PLXNA3: variants seen among roughly 807,000 people sequenced by gnomAD.
The protein encoded by PLXNA3 is plexin A3.
In PLXNA3, 52 loss-of-function variants were observed where a neutral mutation model predicts 118.8. That is an observed-to-expected ratio of 0.44 (90% CI 0.35 to 0.55). PLXNA3 has a LOEUF of 0.55. Among genes scored for constraint, PLXNA3 ranks in the 20% least tolerant of loss-of-function variants. The pLI is 0.01. For synonymous variants in PLXNA3, 925 were observed against 762.4 expected, an observed-to-expected ratio of 1.21 and a Z score of -3.51; for missense variants, 1,660 against 1,730.8, an observed-to-expected ratio of 0.96 and a Z score of 0.73.
intron 6 of PLXNA3, 48 bp from the exon 7 acceptor site, chrX:154,463,903 G>A: frequency 8.6e-7 from 1 of 1,158,236 alleles, no homozygotes. Flanking sequence ...ACAGGCCTGG[G>A]CCCTCCCGGG....
In PLXNA3 at chrX:154,463,491, G is replaced by A. The variant is rs138547861; in HGVS notation, c.1418G>A (p.Arg473Gln). ...LRDLLFSPDH[R>Q]HIYLLSEKQV... The stretch of plus-strand genomic sequence containing the variant: ...GACCTGCTCTTCAGCCCGGACCACC[G>A]GCACATCTATCTCCTGAGTGAGAAG... Residue 473 changes from arginine (R) to glutamine (Q), a missense_variant, in exon 5 of 33, where the codon CGG becomes CAG. Physicochemically the swap from Arg to Gln is conservative, Grantham distance 43. Around this residue, in one of 2 missense-constraint regions of PLXNA3, gnomAD observed 791 missense variants for 652.1 expected, o/e 1.21. Transcript: ENST00000369682. The A allele has an allele frequency of 3.0e-5, 36 of 1,204,425 alleles. No homozygotes were observed. The highest frequency in any genetic ancestry group is 3.0e-4 in the East Asian group (10 of 33,649).
chrX:154,464,139 GC>G lies in PLXNA3; in HGVS notation c.1672-15del. ...GTGCTGGGAGTCCGCCCTGCCCTGA[GC>G]CCTCTGCTTCCCCCAGCTGACCGTC... On this transcript the variant is annotated splice_polypyrimidine_tract_variant and intron_variant, in intron 7 of 32. Transcript: ENST00000369682. 8.3e-7 allele frequency: 1 copy of G among 1,207,972 alleles called. No homozygotes were observed. The highest frequency in any genetic ancestry group is 1.1e-6 in the Non-Finnish European group (1 of 893,279).
intron 29 of PLXNA3, 34 bp from the exon 30 acceptor site, chrX:154,470,408 C>T: frequency 8.4e-7 from 1 of 1,185,813 alleles, no homozygotes; most frequent in Non-Finnish European, 1.1e-6. Context: ...CAACCTGGCT[C>T]CCTCATAGCC....
In PLXNA3 at chrX:154,463,713, G is replaced by A. The variant is rs376846373; in HGVS notation, c.1547+23G>A. On this transcript the variant is annotated intron_variant, in intron 6 of 32. Coordinates refer to ENST00000369682, the MANE Select transcript of PLXNA3 (RefSeq NM_017514.5). ...CAGGTGAGGGCGGGGACCCCTGCTC[G>A]GGGAGTTGGAGGGCCCCACTGGCCA... 39 of 1,142,148 alleles carry A rather than the reference G, an allele frequency of 3.4e-5. No individual in the cohort carries two copies. In the South Asian group the frequency reaches 4.5e-4, roughly 13 times the overall value. 94.1% of individuals were successfully genotyped at this position (1,142,148 alleles called of 1,213,427 possible).
At position 154,463,973 on chromosome X, in the gene PLXNA3, C is replaced by G. The variant is rs782581796; in HGVS notation, c.1570C>G (p.Leu524Val). 1 of 1,186,649 alleles carries G rather than the reference C, an allele frequency of 8.4e-7. No individual in the cohort carries two copies. Among genetic ancestry groups the G allele is most frequent in the Non-Finnish European group, 1.1e-6 (1 of 883,816 alleles). ...RHRCCREGACLGASAPHGFAE... is the reference protein window; with the variant it reads ...RHRCCREGACVGASAPHGFAE... ...CAGGTGCTGCCGCGAAGGGGCCTGT[C>G]TGGGCGCCTCTGCCCCACACGGCTT... The change falls in exon 7 of 33, where the codon CTG becomes GTG. Residue 524 changes from leucine to valine, a missense_variant. Around this residue, in one of 2 missense-constraint regions of PLXNA3, gnomAD observed 791 missense variants for 652.1 expected, o/e 1.21. Coordinates refer to ENST00000369682, the MANE Select transcript of PLXNA3 (RefSeq NM_017514.5).
rs370868352 is a variant in PLXNA3, at chrX:154,464,231, C to T, written c.1746C>T (p.Asn582=). 8 of 1,207,048 alleles carry T rather than the reference C, an allele frequency of 6.6e-6. No homozygotes were observed. Among genetic ancestry groups the T allele is most frequent in the African/African-American group, 3.5e-5 (2 of 57,549 alleles). The change falls in exon 8 of 33, where the codon AAC becomes AAT. Residue 582 remains asparagine, a synonymous_variant. Transcript: ENST00000369682. ...VSCAFEAAAE[N]EAVLLPSGEL... is the part of the protein sequence containing the mutation. ...GCGCCTTCGAGGCGGCGGCGGAGAA[C>T]GAGGCGGTCCTGCTGCCCTCCGGTG...
rs201524188 is a variant in PLXNA3 at position 154,464,366 on chromosome X, C to A, written c.1829-36C>A. ...GGGCAGAGTGGGGCCTCTCCCTACC[C>A]CCAGCGAGTTCACGGCCACCCCGGG... On this transcript the variant is annotated intron_variant, in intron 8 of 32. Coordinates refer to ENST00000369682, the MANE Select transcript of PLXNA3 (RefSeq NM_017514.5). 10,318 of 1,201,569 alleles carry A rather than the reference C, an allele frequency of 8.6e-3. 28 individuals carry two copies. Among genetic ancestry groups the A allele is most frequent in the Non-Finnish European group, 0.011 (9,639 of 889,857 alleles).
intron 1 of PLXNA3, among the ~76,000 whole-genome samples, chrX:154,459,777 A>G (rs1557202932): frequency 1.8e-5 from 2 of 112,352 alleles, no homozygotes; most frequent in African/African-American, 3.2e-5. Context: ...GCTTGCGATT[A>G]TTCTGTGCCT....
In PLXNA3 at chrX:154,465,113, G is replaced by A. The variant is rs1401283051; in HGVS notation, c.2139G>A (p.Gln713=). ...TLRAKNLPQP[Q]SGQKNYECVV... ...GGGCTAAGAACCTACCTCAGCCGCA[G>A]TCGGGCCAGAAGAACTATGAGTGCG... The change falls in exon 11 of 33, where the codon CAG becomes CAA. Residue 713 remains glutamine (Q), a synonymous_variant. Transcript: ENST00000369682. 7 of 1,209,470 alleles carry A rather than the reference G, an allele frequency of 5.8e-6. No individual in the cohort carries two copies. In the African/African-American group the frequency reaches 1.2e-4, roughly 21 times the overall value.
In PLXNA3 at chrX:154,468,513, G is replaced by A. The variant is rs2069131893; in HGVS notation, c.4174G>A (p.Glu1392Lys). The A allele has an allele frequency of 5.0e-6, 6 of 1,209,432 alleles. No individual in the cohort carries two copies. Among genetic ancestry groups the A allele is most frequent in the East Asian group, 3.0e-5 (1 of 33,749 alleles). The change falls in exon 23 of 33, where the codon GAG becomes AAG. Residue 1392 changes from glutamate (E) to lysine (K), a missense_variant. Physicochemically the swap from Glu to Lys is moderately conservative, Grantham distance 56 (BLOSUM62 1). Transcript: ENST00000369682. Reference protein sequence around the residue: ...LLKQLLADLIEKNLESKNHPK... With the variant: ...LLKQLLADLIKKNLESKNHPK... ...CAAGCAACTGCTGGCCGACCTCATC[G>A]AGAAGAACCTCGAGAGCAAGAACCA...
chrX:154,463,184 C>T (rs781985657), intron 4 of PLXNA3, among the ~76,000 whole-genome samples: 1 of 111,166 alleles, frequency 9.0e-6, no homozygotes, highest in East Asian at 2.8e-4. Flanking sequence ...CCTTGGGCAA[C>T]ACGAATCACT....
chrX:154,461,524 C>T lies in PLXNA3; in HGVS notation c.1020C>T (p.Phe340=), dbSNP rs781938991. Residue 340 remains phenylalanine, a synonymous_variant, in exon 3 of 33, where the codon TTC becomes TTT. Coordinates refer to ENST00000369682, the MANE Select transcript of PLXNA3 (RefSeq NM_017514.5). ...SPPRQTILCL[F]TLSNINAHIR... is the part of the protein sequence containing the mutation. ...CCCGGCAGACCATCCTCTGCCTCTT[C>T]ACCCTCAGCAACATCAATGCCCACA... is the stretch of plus-strand genomic sequence containing the variant. 46 of 1,210,369 alleles carry T rather than the reference C, an allele frequency of 3.8e-5. No homozygotes were observed. In the African/African-American group the frequency reaches 6.4e-4, roughly 17 times the overall value.
In PLXNA3 at chrX:154,466,248, C is replaced by T. The variant is rs1557207051; in HGVS notation, c.2777C>T (p.Ser926Leu). Residue 926 changes from serine to leucine, a missense_variant, in exon 15 of 33, where the codon TCG (serine) becomes TTG (leucine). Physicochemically the swap from Ser to Leu is moderately radical, Grantham distance 145. Coordinates refer to ENST00000369682, the MANE Select transcript of PLXNA3 (RefSeq NM_017514.5). ...TGTTCAGCCGACTTCCGCACGCAGT[C>T]GGAGCAGGTCTACAGCTTTGTGGTG... is the stretch of plus-strand genomic sequence containing the variant. The part of the protein sequence containing the change: ...GDCSADFRTQ[S>L]EQVYSFVTPT... 2 of 1,208,954 alleles carry T rather than the reference C, an allele frequency of 1.7e-6. No individual in the cohort carries two copies. The highest frequency in any genetic ancestry group is 1.7e-5 in the African/African-American group (1 of 57,812).
Position 154,477,703 on chromosome X carries a change from C to T in PLXNA3, c.*5018C>T, listed in dbSNP as rs962134675. 2.0e-5 allele frequency: 6 copies of T among 305,246 alleles called. No homozygotes were observed. The highest frequency in any genetic ancestry group is 9.5e-5 in the South Asian group (1 of 10,495). The allele number at this position is 305,246 out of a possible 1,213,427, so 25.2% of individuals were successfully genotyped here. ...CCTTGAATATCTGAATTCTAGAACC[C>T]CCCCCCCAGCAACCCAAGCACAACA... On this transcript the variant is annotated 3_prime_UTR_variant, in exon 33 of 33. Coordinates refer to ENST00000369682, the MANE Select transcript of PLXNA3 (RefSeq NM_017514.5).
Position 154,473,156 on chromosome X carries a change from C to T in PLXNA3, c.*471C>T, listed in dbSNP as rs1416583628. 8.8e-6 allele frequency: 1 copy of T among 114,096 alleles called. No homozygotes were observed. The highest frequency in any genetic ancestry group is 3.2e-5 in the African/African-American group (1 of 31,019). 9.4% of individuals were successfully genotyped at this position (114,096 alleles called of 1,213,427 possible). A position where few individuals can be genotyped will look rare whatever the true frequency, so the allele number is the denominator to read the frequency against. On this transcript the variant is annotated 3_prime_UTR_variant, in exon 33 of 33. Transcript: ENST00000369682. ...AGCCTCGGTCTGGCCTCTGGCACCT[C>T]ACCCTTGCCATGGCTGACCCCACCC... is the stretch of plus-strand genomic sequence containing the variant.
In PLXNA3 at chrX:154,461,149, G is replaced by A. The variant is rs199541567; in HGVS notation, c.645G>A (p.Thr215=). 53 of 1,208,008 alleles carry A rather than the reference G, an allele frequency of 4.4e-5. No individual in the cohort carries two copies. Among genetic ancestry groups the A allele is most frequent in the Non-Finnish European group, 5.4e-5 (48 of 892,578 alleles). The change falls in exon 3 of 33, where the codon ACG becomes ACA. Residue 215 remains threonine (T), a synonymous_variant. Transcript: ENST00000369682. ...VSSQIKIPSD[T]LSLYPAFDIY... ...CCCAGATCAAGATCCCCTCAGACAC[G>A]CTGTCCTTGTACCCTGCCTTTGACA...
At position 154,461,294 on chromosome X, in the gene PLXNA3, CGCATGTG is replaced by C; in HGVS notation, c.791_797del (p.Arg264ProfsTer104). 1.6e-6 allele frequency: 2 copies of C among 1,212,134 alleles called. No individual in the cohort carries two copies. Among genetic ancestry groups the C allele is most frequent in the Non-Finnish European group, 2.2e-6 (2 of 895,350 alleles). On this transcript the variant is annotated frameshift_variant, in exon 3 of 33. Coordinates refer to ENST00000369682, the MANE Select transcript of PLXNA3 (RefSeq NM_017514.5). LOFTEE classifies it high-confidence loss of function. ...GAAATTTTTCACGTCCAAGATCGTGCGCATGTGCGCGGGAGACTCAGAGTTCTACTCA... is the reference window on the plus strand; with the variant it reads ...GAAATTTTTCACGTCCAAGATCGTGCCGCGGGAGACTCAGAGTTCTACTCA...
rs782808584 is a variant in PLXNA3 at position 154,468,479 on chromosome X, G to A, written c.4140G>A (p.Thr1380=). ...TGCAGAGCCGGCTCGACTATGCCAC[G>A]GGGCTGCTCAAGCAACTGCTGGCCG... ...VALQSRLDYA[T]GLLKQLLADL... Residue 1380 remains threonine, a synonymous_variant, in exon 23 of 33, where the codon ACG becomes ACA. Coordinates refer to ENST00000369682, the MANE Select transcript of PLXNA3 (RefSeq NM_017514.5). The A allele has an allele frequency of 6.6e-6, 8 of 1,211,153 alleles. No individual in the cohort carries two copies. Among genetic ancestry groups the A allele is most frequent in the South Asian group, 1.8e-5 (1 of 57,022 alleles).
chrX:154,469,126 G>T lies in PLXNA3; in HGVS notation c.4505G>T (p.Ser1502Ile). Reference sequence around the variant, plus strand: ...CCAGTGAAGGTTCTCAACTGTGACAGCATCACCCAGGCCAAAGATAAGCTG... The same window carrying T: ...CCAGTGAAGGTTCTCAACTGTGACATCATCACCCAGGCCAAAGATAAGCTG... ...QVPVKVLNCD[S>I]ITQAKDKLLD... Residue 1502 changes from serine (S) to isoleucine (I), a missense_variant, in exon 26 of 33, where the codon AGC becomes ATC. By Grantham distance (142) the Ser-to-Ile change is moderately radical (BLOSUM62 -2). Transcript: ENST00000369682. 2.5e-6 allele frequency: 3 copies of T among 1,210,864 alleles called. No individual in the cohort carries two copies. The highest frequency in any genetic ancestry group is 3.4e-6 in the Non-Finnish European group (3 of 895,020).
Sources: allele counts gnomAD v4.1 joint callset (sites outside exome capture counted in the v4.1 genomes callset), GRCh38; gene constraint gnomAD v4.1.1; regional missense constraint gnomAD v4.1.1; transcripts MANE v1.5; gene names NCBI Gene and HGNC (gene_info 2026-07-23, HGNC 2026-07-21).